The following FBXO42 variants were observed in gnomAD, a reference collection of about 807,000 sequenced individuals.
FBXO42 encodes F-box only protein 42.
Under a neutral mutation model 71.7 loss-of-function variants are expected in FBXO42, and 12 were observed. The ratio of observed to expected loss-of-function variants is 0.17; its 90% CI spans 0.11 to 0.27. The LOEUF is 0.27. Among genes scored for constraint, FBXO42 ranks in the 10% least tolerant of loss-of-function variants. The pLI is 1.00. For missense variants in FBXO42, 707 were observed against 911.9 expected (o/e 0.78, Z 2.89); for synonymous variants, 325 against 327.5 (o/e 0.99, Z 0.08).
At chr1:16,269,071 A>T (rs2081809948) in intron 4 of FBXO42, among the ~76,000 whole-genome samples, 1 of 149,966 alleles carries the variant, frequency 6.7e-6, no homozygotes, top group African/African-American at 2.4e-5. Context: ...GGCCTTCCAA[A>T]GTACTGGGAT....
chr1:16,331,473 G>A (rs917684947), intron 1 of FBXO42, among the ~76,000 whole-genome samples: 1 of 150,256 alleles, frequency 6.7e-6, no homozygotes, highest in South Asian at 2.1e-4. Context: ...AGTAAAAACC[G>A]GCTTGGTGCG....
At chr1:16,346,733 A>C (rs557214949) in intron 1 of FBXO42, among the ~76,000 whole-genome samples, 1 of 149,840 alleles carries the variant, frequency 6.7e-6, no homozygotes, top group South Asian at 2.1e-4. Flanking sequence ...ACTAAGCTAA[A>C]TTACTGTACT....
At chr1:16,343,186 G>A (rs116076282) in intron 1 of FBXO42, among the ~76,000 whole-genome samples, 2,094 of 152,142 alleles carry the variant, frequency 0.014, 20 homozygotes, top group South Asian at 0.031. Flanking sequence ...TTTCCTCTTT[G>A]AAATATTTAG....
rs1208233331 is a variant in FBXO42, at chr1:16,252,633, C to T, written c.922-229G>A. Reference sequence around the variant, plus strand: ...AGCACATGGAATTGTGCTTGTGACCCATGAATCAACTGAGTGGTTTTGACA... The same window carrying T: ...AGCACATGGAATTGTGCTTGTGACCTATGAATCAACTGAGTGGTTTTGACA... On this transcript the variant is annotated intron_variant, in intron 8 of 9. Transcript: ENST00000375592. This position sits in a 1 kb window ranked among gnomAD's most constrained non-coding sequence, Gnocchi z 4.4. Among the ~76,000 whole-genome samples the T allele has an allele frequency of 6.6e-6, 1 of 152,160 alleles. No homozygotes were observed. The highest frequency in any genetic ancestry group is 2.4e-5 in the African/African-American group (1 of 41,426).
At chr1:16,326,135 A>C (rs1408022535) in intron 1 of FBXO42, among the ~76,000 whole-genome samples, 1 of 150,264 alleles carries the variant, frequency 6.7e-6, no homozygotes, top group Non-Finnish European at 1.5e-5. Context: ...GGCTCACTGC[A>C]ACCTCCACCT....
At chr1:16,283,986 C>A (rs1007599733) in intron 4 of FBXO42, among the ~76,000 whole-genome samples, 4 of 152,030 alleles carry the variant, frequency 2.6e-5, no homozygotes, top group African/African-American at 9.7e-5. Flanking sequence ...TAAACAGATG[C>A]CAAAATCAGT....
chr1:16,343,108 A>G (rs1300218903), intron 1 of FBXO42, among the ~76,000 whole-genome samples: 1 of 152,154 alleles, frequency 6.6e-6, no homozygotes, highest in Non-Finnish European at 1.5e-5. Context: ...ATGGACTAAG[A>G]CACCTACTCT....
rs148983398 is a variant in FBXO42 at position 16,271,570 on chromosome 1, C to T, written c.503-14811G>A. On this transcript the variant is annotated intron_variant, in intron 4 of 9. Transcript: ENST00000375592. ...TGCTGGGATTACATGCATGAGCCAC[C>T]GCACCTGGCCCCTAACTACCTTTCT... is the stretch of plus-strand genomic sequence containing the variant. 2.7e-3 allele frequency among the ~76,000 whole-genome samples: 403 copies of T among 151,936 alleles called. 1 individual carries two copies. Among genetic ancestry groups the T allele is most frequent in the African/African-American group, 9.0e-3 (374 of 41,444 alleles).
At chr1:16,264,051 T>C (rs2081746228) in intron 4 of FBXO42, among the ~76,000 whole-genome samples, 1 of 152,056 alleles carries the variant, frequency 6.6e-6, no homozygotes, top group Admixed American at 6.5e-5. Context: ...CCTCAGGTGA[T>C]CCACCTGCCT....
Position 16,279,854 on chromosome 1 carries a change from C to CTTTTTTTT in FBXO42, c.502+14921_502+14928dup, listed in dbSNP as rs1553151074. Among the ~76,000 whole-genome samples the CTTTTTTTT allele has an allele frequency of 1.4e-5, 2 of 138,168 alleles. 1 individual carries two copies. Among genetic ancestry groups the CTTTTTTTT allele is most frequent in the Non-Finnish European group, 3.1e-5 (2 of 65,418 alleles). 90.6% of individuals were successfully genotyped at this position (138,168 alleles called of 152,430 possible). A position where few individuals can be genotyped will look rare whatever the true frequency, so the allele number is the denominator to read the frequency against. ...TCATGTTGACAATGGTTTTTTTTTTCTTTTTTTTTTGAGACAGAGTCTTGC... is the reference window on the plus strand; with the variant it reads ...TCATGTTGACAATGGTTTTTTTTTTCTTTTTTTTTTTTTTTTTTGAGACAGAGTCTTGC... On this transcript the variant is annotated intron_variant, in intron 4 of 9. Coordinates refer to ENST00000375592, the MANE Select transcript of FBXO42 (RefSeq NM_018994.3).
At chr1:16,348,593 C>T (rs542187826) in intron 1 of FBXO42, among the ~76,000 whole-genome samples, 70 of 152,002 alleles carry the variant, frequency 4.6e-4, no homozygotes, top group African/African-American at 1.6e-3. Context: ...CCCAGCTACT[C>T]GGGAGGCTGA....
chr1:16,316,134 A>C (rs1298896309), intron 1 of FBXO42, among the ~76,000 whole-genome samples: 2 of 145,002 alleles, frequency 1.4e-5, no homozygotes, highest in South Asian at 2.2e-4. Flanking sequence ...ATGCCACTGC[A>C]CTCCAGCCTG....
intron 1 of FBXO42, among the ~76,000 whole-genome samples, chr1:16,324,677 C>T (rs970372028): frequency 2.0e-5 from 3 of 152,106 alleles, no homozygotes; most frequent in African/African-American, 4.8e-5. Context: ...ATTAGTTGGC[C>T]ATGGTGGCGC....
At chr1:16,284,968 T>TCAAAACACAAAA (rs2082006396) in intron 4 of FBXO42, among the ~76,000 whole-genome samples, 1 of 149,308 alleles carries the variant, frequency 6.7e-6, no homozygotes, top group Non-Finnish European at 1.5e-5. Flanking sequence ...AAACTCTGTC[T>TCAAAACACAAAA]CAAAAAACAA....
intron 1 of FBXO42, among the ~76,000 whole-genome samples, chr1:16,332,627 G>A (rs1389054444): frequency 2.7e-5 from 4 of 149,866 alleles, no homozygotes; most frequent in Middle Eastern, 3.5e-3. Context: ...TGCAACCCCC[G>A]TCTCCAGAGT....
At position 16,250,562 on chromosome 1, in the gene FBXO42, T is replaced by C; in HGVS notation, c.*108A>G. 7.5e-7 allele frequency: 1 copy of C among 1,338,440 alleles called. No homozygotes were observed. The highest frequency in any genetic ancestry group is 1.0e-6 in the Non-Finnish European group (1 of 985,806). 82.9% of individuals were successfully genotyped at this position (1,338,440 alleles called of 1,614,324 possible). On this transcript the variant is annotated 3_prime_UTR_variant, in exon 10 of 10. Coordinates refer to ENST00000375592, the MANE Select transcript of FBXO42 (RefSeq NM_018994.3). The surrounding 1 kb of genome is among the most constrained non-coding windows in gnomAD (Gnocchi z 4.7). ...GTGACTTCGGTTGGGAATTAAAGAG[T>C]TTTGGCTTCTGGGAGTAATTTTGTT...
At position 16,252,342 on chromosome 1, in the gene FBXO42, C is replaced by G; in HGVS notation, c.984G>C (p.Lys328Asn). The change falls in exon 9 of 10, where the codon AAG (lysine) becomes AAC (asparagine). Residue 328 changes from lysine to asparagine, a missense_variant. Coordinates refer to ENST00000375592, the MANE Select transcript of FBXO42 (RefSeq NM_018994.3). This position sits in a 1 kb window ranked among gnomAD's most constrained non-coding sequence, Gnocchi z 4.4. The stretch of plus-strand genomic sequence containing the variant: ...GGGCCCCATGCTCTTCATTTTCTAC[C>G]TTGAGTGGCTGCCAGGCCCAAGGAC... Reference protein sequence around the residue: ...HSGPWAWQPLKVENEEHGAPE... With the variant: ...HSGPWAWQPLNVENEEHGAPE... 1.2e-6 allele frequency: 2 copies of G among 1,614,206 alleles called. No homozygotes were observed. Among genetic ancestry groups the G allele is most frequent in the Non-Finnish European group, 1.7e-6 (2 of 1,180,034 alleles).
intron 2 of FBXO42, among the ~76,000 whole-genome samples, chr1:16,306,903 T>G (rs1467030446): frequency 6.6e-6 from 1 of 152,062 alleles, no homozygotes; most frequent in African/African-American, 2.4e-5. Flanking sequence ...AAAGTTTGTT[T>G]TCTTTTTTTT....
intron 4 of FBXO42, among the ~76,000 whole-genome samples, chr1:16,286,389 T>A (rs2082022415): frequency 6.6e-6 from 1 of 152,134 alleles, no homozygotes; most frequent in African/African-American, 2.4e-5. Context: ...AACAGGCACC[T>A]TCTTCCCAGG....
Sources: allele counts gnomAD v4.1 joint callset (sites outside exome capture counted in the v4.1 genomes callset), GRCh38; gene constraint gnomAD v4.1.1; non-coding constraint Gnocchi (gnomAD v3.1); transcripts MANE v1.5; gene names NCBI Gene and HGNC (gene_info 2026-07-23, HGNC 2026-07-21).